WNT3A: variants seen among roughly 807,000 people sequenced by gnomAD.
WNT3A encodes Wnt family member 3A, also known as protein Wnt-3a.
Under a neutral mutation model 37.0 loss-of-function variants are expected in WNT3A, and 17 were observed. The ratio of observed to expected loss-of-function variants is 0.46; its 90% CI spans 0.31 to 0.69. The LOEUF (loss-of-function observed/expected upper bound fraction) is 0.69. Ranked by LOEUF, WNT3A falls within the 30% of genes least tolerant of loss-of-function variation. The pLI is 0.05. For missense variants in WNT3A, 411 were observed against 510.2 expected, an observed-to-expected ratio of 0.81 and a Z score of 1.87; for synonymous variants, 187 against 211.0, an observed-to-expected ratio of 0.89 and a Z score of 0.99.
intron 2 of WNT3A, among the ~76,000 whole-genome samples, chr1:228,043,491 G>A (rs1053527321): frequency 6.6e-6 from 1 of 152,226 alleles, no homozygotes; most frequent in Non-Finnish European, 1.5e-5. Flanking sequence ...CTGGCCTTCT[G>A]GGATGGCTGG....
chr1:228,043,606 T>C (rs984497119), intron 2 of WNT3A, among the ~76,000 whole-genome samples: 1 of 152,186 alleles, frequency 6.6e-6, no homozygotes, highest in African/African-American at 2.4e-5. Context: ...GAGAACTTGG[T>C]TTCCGTGGAG....
intron 1 of WNT3A, among the ~76,000 whole-genome samples, chr1:228,018,524 C>T (rs762905569): frequency 1.3e-5 from 2 of 151,954 alleles, no homozygotes; most frequent in African/African-American, 2.4e-5. Flanking sequence ...TCCCAAGCAG[C>T]GGGGACTACA....
At chr1:228,047,756 A>C (rs2031458024) in intron 2 of WNT3A, among the ~76,000 whole-genome samples, 1 of 152,108 alleles carries the variant, frequency 6.6e-6, no homozygotes, top group Non-Finnish European at 1.5e-5. Context: ...CGGAAGGCAA[A>C]GGGGGAGCAG....
chr1:228,042,152 T>C lies in WNT3A; in HGVS notation c.314-8504T>C, dbSNP rs1405854606. On this transcript the variant is annotated intron_variant, in intron 2 of 3. Transcript: ENST00000284523. The surrounding 1 kb of genome is among the most constrained non-coding windows in gnomAD (Gnocchi z 5.2). ...CGCCACCATGCCCCGCTGATTTTTG[T>C]ATTTTTAGTAGAGACGGGGTTTCAC... 6.6e-6 allele frequency among the ~76,000 whole-genome samples: 1 copy of C among 152,170 alleles called. No homozygotes were observed. The highest frequency in any genetic ancestry group is 1.5e-5 in the Non-Finnish European group (1 of 68,026).
chr1:228,041,985 AT>A (rs900956692), intron 2 of WNT3A, among the ~76,000 whole-genome samples: 11 of 151,394 alleles, frequency 7.3e-5, no homozygotes, highest in South Asian at 2.1e-4. Context: ...TTTCTGGAGG[AT>A]TTTTTTTTCT....
chr1:228,046,031 C>T (rs926269931), intron 2 of WNT3A, among the ~76,000 whole-genome samples: 4 of 152,310 alleles, frequency 2.6e-5, no homozygotes, highest in East Asian at 1.9e-4. Flanking sequence ...AGAGGACACC[C>T]GATCCCTGGC....
At chr1:228,041,084 T>C (rs1035154358) in intron 2 of WNT3A, among the ~76,000 whole-genome samples, 4 of 151,094 alleles carry the variant, frequency 2.6e-5, no homozygotes, top group Non-Finnish European at 5.9e-5. Context: ...TTTTCCTGTC[T>C]CAACAAAATA....
intron 3 of WNT3A, among the ~76,000 whole-genome samples, chr1:228,053,105 T>C (rs1215497504): frequency 6.6e-6 from 1 of 152,232 alleles, no homozygotes; most frequent in African/African-American, 2.4e-5. Flanking sequence ...TCCTCCCTTC[T>C]GGAGGACATG....
At chr1:228,023,068 G>C (rs1042883248) in intron 2 of WNT3A, among the ~76,000 whole-genome samples, 160 bp downstream of exon 2, 1 of 152,254 alleles carries the variant, frequency 6.6e-6, no homozygotes, top group Non-Finnish European at 1.5e-5. Context: ...GTCTGGGGCT[G>C]AAGCAGGACT....
intron 3 of WNT3A, among the ~76,000 whole-genome samples, chr1:228,058,349 T>C (rs1329715639): frequency 1.3e-5 from 2 of 152,164 alleles, no homozygotes; most frequent in Middle Eastern, 3.2e-3. Context: ...GATGTTCACA[T>C]GCCCCTTCAC....
chr1:228,058,541 T>C (rs1212810733), intron 3 of WNT3A, among the ~76,000 whole-genome samples: 2 of 152,236 alleles, frequency 1.3e-5, no homozygotes, highest in African/African-American at 4.8e-5. Flanking sequence ...TGGGCCACTC[T>C]CTTTACTCAT....
rs927250137 is a variant in WNT3A, at chr1:228,007,844, T to C, written c.71+645T>C. 9.2e-5 allele frequency among the ~76,000 whole-genome samples: 14 copies of C among 151,840 alleles called. No individual in the cohort carries two copies. Among genetic ancestry groups the C allele is most frequent in the African/African-American group, 3.4e-4 (14 of 41,396 alleles). On this transcript the variant is annotated intron_variant, in intron 1 of 3. Transcript: ENST00000284523. This position sits in a 1 kb window ranked among gnomAD's most constrained non-coding sequence, Gnocchi z 6.0. ...TGCGAGCCCTCCGCATGGGTCCACC[T>C]GGCAATGAGGGGCTGCTGTAGAGAG...
At chr1:228,012,237 T>C (rs1193475162) in intron 1 of WNT3A, among the ~76,000 whole-genome samples, 1 of 152,176 alleles carries the variant, frequency 6.6e-6, no homozygotes, top group Non-Finnish European at 1.5e-5. Context: ...CCTCCCAAGA[T>C]ACAGGTGACA....
At chr1:228,018,095 A>G (rs1424790436) in intron 1 of WNT3A, among the ~76,000 whole-genome samples, 3 of 152,152 alleles carry the variant, frequency 2.0e-5, no homozygotes, top group Non-Finnish European at 4.4e-5. Flanking sequence ...TATTTGATGC[A>G]CCCTGAGAAC....
rs376547442 is a variant in WNT3A, at chr1:228,052,577, C to A, written c.579+1656C>A. The stretch of plus-strand genomic sequence containing the variant: ...AAGATGGCTGATGGGCAGTGACGGG[C>A]GTAAGGACCAAGTGGCGTCCACGGG... On this transcript the variant is annotated intron_variant, in intron 3 of 3. Transcript: ENST00000284523. Among the ~76,000 whole-genome samples the A allele has an allele frequency of 1.1e-3, 160 of 152,238 alleles. 6 individuals are homozygous for A. In the South Asian group the frequency reaches 0.033, roughly 32 times the overall value.
In WNT3A at chr1:228,037,246, C is replaced by T. The variant is rs1473611446; in HGVS notation, c.314-13410C>T. Among the ~76,000 whole-genome samples the T allele has an allele frequency of 6.6e-6, 1 of 151,926 alleles. No individual in the cohort carries two copies. Among genetic ancestry groups the T allele is most frequent in the Non-Finnish European group, 1.5e-5 (1 of 67,946 alleles). ...CCTCTTCAAGCATTTCCAGTCCCCACCCCCTGCCCTATTCTGTGAACCCCA... is the reference window on the plus strand; with the variant it reads ...CCTCTTCAAGCATTTCCAGTCCCCATCCCCTGCCCTATTCTGTGAACCCCA... On this transcript the variant is annotated intron_variant, in intron 2 of 3. Transcript: ENST00000284523. The surrounding 1 kb of genome is among the most constrained non-coding windows in gnomAD (Gnocchi z 4.1).
In WNT3A at chr1:228,059,784, T is replaced by G; in HGVS notation, c.*319T>G. ...GCGGGGCTACAGATTGGGCGGGGCTTCTCTTGGGTGGGACAGGGCTTCTCC... is the reference window on the plus strand; with the variant it reads ...GCGGGGCTACAGATTGGGCGGGGCTGCTCTTGGGTGGGACAGGGCTTCTCC... On this transcript the variant is annotated 3_prime_UTR_variant, in exon 4 of 4. Transcript: ENST00000284523. 8.8e-7 allele frequency: 1 copy of G among 1,140,104 alleles called. No individual in the cohort carries two copies. The highest frequency in any genetic ancestry group is 1.1e-6 in the Non-Finnish European group (1 of 928,340). 70.6% of individuals were successfully genotyped at this position (1,140,104 alleles called of 1,614,324 possible).
At chr1:228,026,553 C>A (rs1285905820) in intron 2 of WNT3A, among the ~76,000 whole-genome samples, 1 of 151,552 alleles carries the variant, frequency 6.6e-6, no homozygotes, top group African/African-American at 2.4e-5. Context: ...TTTAGTGCAC[C>A]CCTCACCTAA....
At chr1:228,016,815 G>A (rs1044969731) in intron 1 of WNT3A, among the ~76,000 whole-genome samples, 1 of 152,114 alleles carries the variant, frequency 6.6e-6, no homozygotes, top group Non-Finnish European at 1.5e-5. Context: ...ACGCGGGAGA[G>A]GGGGCAGGGG....
Sources: gnomAD v4.1 joint callset for allele counts (sites outside exome capture counted in the v4.1 genomes callset) on GRCh38, gnomAD v4.1.1 for gene constraint, Gnocchi (gnomAD v3.1) non-coding constraint, MANE v1.5 for transcripts, NCBI Gene and HGNC (gene_info 2026-07-23, HGNC 2026-07-21) for gene names.